Variants in TBC1D2B observed in about 807,000 individuals in gnomAD.
TBC1D2B encodes TBC1 domain family member 2B.
Under a neutral mutation model 100.8 loss-of-function variants are expected in TBC1D2B, and 64 were observed. The observed-to-expected ratio is 0.64, with a 90% confidence interval of 0.52 to 0.78. The LOEUF is 0.78. Among genes scored for constraint, TBC1D2B ranks in the 30% least tolerant of loss-of-function variants. TBC1D2B has a pLI of 0.00. For missense variants in TBC1D2B, 1,052 were observed against 1,218.4 expected, an observed-to-expected ratio of 0.86 and a Z score of 2.03; for synonymous variants, 480 against 479.7, an observed-to-expected ratio of 1.00 and a Z score of -0.01.
chr15:78,004,893 T>C (rs1342825193), intron 10 of TBC1D2B, among the ~76,000 whole-genome samples: 1 of 152,226 alleles, frequency 6.6e-6, no homozygotes, highest in Non-Finnish European at 1.5e-5. Context: ...CCCATGCAGT[T>C]CAAACCCACG....
chr15:78,003,323 G>T lies in TBC1D2B; in HGVS notation c.2556C>A (p.Phe852Leu). 2 of 1,613,686 alleles carry T rather than the reference G, an allele frequency of 1.2e-6. No individual in the cohort carries two copies. The highest frequency in any genetic ancestry group is 1.7e-6 in the Non-Finnish European group (2 of 1,179,788). The stretch of plus-strand genomic sequence containing the variant: ...AACTCACCTTTGGTCCTTCATAAAG[G>T]AAAGAGTCCCATATTTTAAAGAGGA... ...SDILFKIWDS[F>L]LYEGPKVIFR... The change falls in exon 11 of 13, where the codon TTC becomes TTA. Residue 852 changes from phenylalanine (F) to leucine (L), a missense_variant. Physicochemically the swap from Phe to Leu is conservative, Grantham distance 22. Coordinates refer to ENST00000300584, the MANE Select transcript of TBC1D2B (RefSeq NM_144572.2).
chr15:77,998,425 A>G, intron 12 of TBC1D2B, 70 bp from the exon 13 acceptor site: 1 of 1,408,640 alleles, frequency 7.1e-7, no homozygotes, highest in South Asian at 1.4e-5. Context: ...CAGCCCTCAC[A>G]GGCATAGCAG....
At chr15:78,062,500 A>C (rs2073568181) in intron 1 of TBC1D2B, among the ~76,000 whole-genome samples, 1 of 152,238 alleles carries the variant, frequency 6.6e-6, no homozygotes, top group South Asian at 2.1e-4. Context: ...ATTTCAAATA[A>C]TAACAATCTA....
chr15:78,075,246 C>A (rs1010291830), intron 1 of TBC1D2B, among the ~76,000 whole-genome samples: 1 of 151,910 alleles, frequency 6.6e-6, no homozygotes, highest in Non-Finnish European at 1.5e-5. Flanking sequence ...GTCACCCAGG[C>A]TGAGTGCAGT....
intron 5 of TBC1D2B, 76 bp from the exon 6 acceptor site, chr15:78,024,615 C>T: frequency 7.5e-7 from 1 of 1,333,190 alleles, no homozygotes; most frequent in South Asian, 1.4e-5. Context: ...CATGACATTA[C>T]ATGGAGTAAT....
At chr15:78,053,141 G>A (rs1312830887) in intron 2 of TBC1D2B, among the ~76,000 whole-genome samples, 1 of 152,194 alleles carries the variant, frequency 6.6e-6, no homozygotes, top group Admixed American at 6.5e-5. Context: ...TCAGCCACAC[G>A]TGCCAACACC....
intron 1 of TBC1D2B, among the ~76,000 whole-genome samples, chr15:78,067,076 C>CA (rs2073670544): frequency 1.3e-5 from 2 of 152,322 alleles, no homozygotes; most frequent in African/African-American, 4.8e-5. Flanking sequence ...TGGATTACGA[C>CA]AGATATATAA....
At chr15:78,030,459 G>C (rs1024076966) in intron 3 of TBC1D2B, among the ~76,000 whole-genome samples, 1 of 151,966 alleles carries the variant, frequency 6.6e-6, no homozygotes, top group Non-Finnish European at 1.5e-5. Context: ...GCACCACCAT[G>C]CCCAGCTAAT....
chr15:78,004,869 C>G lies in TBC1D2B; in HGVS notation c.2389-1379G>C, dbSNP rs907244130. On this transcript the variant is annotated intron_variant, in intron 10 of 12. Transcript: ENST00000300584. ...CAATCTGTGTGTAGTTGAAAAAATC[C>G]ACATGTAAGTGGACCCATGCAGTTC... Among the ~76,000 whole-genome samples the G allele has an allele frequency of 2.6e-5, 4 of 152,118 alleles. No homozygotes were observed. The East Asian group carries it at 7.7e-4, about 29-fold the overall frequency.
At chr15:78,003,561 G>T in intron 10 of TBC1D2B, 71 bp from the exon 11 acceptor site, 1 of 1,219,184 alleles carries the variant, frequency 8.2e-7, no homozygotes, top group Non-Finnish European at 1.2e-6. Context: ...GAGCAGACGC[G>T]CAACCTGAGA....
In TBC1D2B at chr15:77,998,254, G is replaced by A. The variant is rs367930643; in HGVS notation, c.2798C>T (p.Thr933Ile). ...GTCCTCACGGATGGCCTCCAGCTCG[G>A]TCAGCTCCAGCCGGACTTTCTCCAA... ...YHLEKVRLEL[T>I]ELEAIREDFL... Residue 933 changes from threonine to isoleucine, a missense_variant, in exon 13 of 13, where the codon ACC becomes ATC. Thr to Ile is a moderately conservative substitution (Grantham distance 89, BLOSUM62 -1). Around this residue, in one of 4 missense-constraint regions of TBC1D2B, gnomAD observed 47 missense variants for 88.3 expected, o/e 0.53. Transcript: ENST00000300584. 263 of 1,598,072 alleles carry A rather than the reference G, an allele frequency of 1.6e-4. No individual in the cohort carries two copies. The highest frequency in any genetic ancestry group is 2.2e-4 in the Non-Finnish European group (260 of 1,173,202).
chr15:78,055,943 CAT>C (rs1368990651), intron 1 of TBC1D2B, among the ~76,000 whole-genome samples: 6 of 152,168 alleles, frequency 3.9e-5, no homozygotes, highest in Non-Finnish European at 7.3e-5. Context: ...GGGAAGGACA[CAT>C]AGCCAAAGAG....
At chr15:78,075,160 C>T (rs8040263) in intron 1 of TBC1D2B, among the ~76,000 whole-genome samples, 2 of 152,202 alleles carry the variant, frequency 1.3e-5, no homozygotes, top group South Asian at 2.1e-4. Context: ...TCTGACAATG[C>T]GCCTTGTAAC....
intron 11 of TBC1D2B, among the ~76,000 whole-genome samples, chr15:78,002,209 C>T (rs1433195453): frequency 1.3e-5 from 2 of 151,992 alleles, no homozygotes; most frequent in Admixed American, 6.6e-5. Context: ...TTTTGAGATA[C>T]AGTCTTGCTC....
At chr15:78,068,994 T>G (rs1210633077) in intron 1 of TBC1D2B, among the ~76,000 whole-genome samples, 1 of 22,550 alleles carries the variant, frequency 4.4e-5, no homozygotes, top group Non-Finnish European at 8.0e-5. Context: ...CAGTCACTTC[T>G]ACAATGGTGG....
At chr15:78,059,466 T>G (rs2073497243) in intron 1 of TBC1D2B, among the ~76,000 whole-genome samples, 1 of 152,184 alleles carries the variant, frequency 6.6e-6, no homozygotes, top group South Asian at 2.1e-4. Flanking sequence ...TGCATGAACG[T>G]CCTGGGTGAG....
intron 7 of TBC1D2B, among the ~76,000 whole-genome samples, chr15:78,017,580 AC>A (rs1237245052): frequency 3.9e-5 from 6 of 152,232 alleles, no homozygotes; most frequent in Non-Finnish European, 8.8e-5. Flanking sequence ...GAGAAACTGA[AC>A]ACATTTTCTG....
chr15:78,014,975 G>A (rs559128851), intron 8 of TBC1D2B, among the ~76,000 whole-genome samples: 4 of 152,300 alleles, frequency 2.6e-5, no homozygotes, highest in East Asian at 1.9e-4. Context: ...GCCGAGGCAG[G>A]CAGATCACAA....
chr15:78,043,022 T>A (rs1313772680), intron 3 of TBC1D2B, among the ~76,000 whole-genome samples: 2 of 152,198 alleles, frequency 1.3e-5, no homozygotes, highest in African/African-American at 4.8e-5. Flanking sequence ...CCCTCACAAG[T>A]GCTGGTCTTC....
Sources: allele counts gnomAD v4.1 joint callset (sites outside exome capture counted in the v4.1 genomes callset), GRCh38; gene constraint gnomAD v4.1.1; regional missense constraint gnomAD v4.1.1; transcripts MANE v1.5; gene names NCBI Gene and HGNC (gene_info 2026-07-23, HGNC 2026-07-21).